COMMD1: variants seen among roughly 807,000 people sequenced by gnomAD.
COMMD1 encodes copper metabolism domain containing 1, also known as COMM domain-containing protein 1.
COMMD1 carries 10 observed loss-of-function variants against 17.2 expected under a neutral mutation model. That is an observed-to-expected ratio of 0.58 (90% CI 0.36 to 0.99). The LOEUF is 0.99. Among genes scored for constraint, COMMD1 ranks in the 50% least tolerant of loss-of-function variants. The pLI is 0.01. For missense variants in COMMD1, 270 were observed against 231.8 expected (o/e 1.17, Z -1.07); for synonymous variants, 97 against 91.6 (o/e 1.06, Z -0.34).
At chr2:61,978,668 A>G (rs1386899935) in intron 1 of COMMD1, among the ~76,000 whole-genome samples, 6 of 152,182 alleles carry the variant, frequency 3.9e-5, no homozygotes, top group Admixed American at 3.9e-4. Flanking sequence ...TCTGACTGGC[A>G]GTTTAATGCT....
At chr2:61,899,234 T>G (rs886375459) in intron 1 of COMMD1, among the ~76,000 whole-genome samples, 1 of 152,212 alleles carries the variant, frequency 6.6e-6, no homozygotes, top group Non-Finnish European at 1.5e-5. Flanking sequence ...AACCCCCATA[T>G]GGAAGATGTC....
intron 1 of COMMD1, among the ~76,000 whole-genome samples, chr2:61,939,003 AAGTT>A (rs771814196): frequency 7.4e-4 from 113 of 152,274 alleles, no homozygotes; most frequent in Non-Finnish European, 1.4e-3. Flanking sequence ...AAAAAAACAA[AAGTT>A]AGTGTCAAGT....
intron 1 of COMMD1, among the ~76,000 whole-genome samples, chr2:61,923,708 C>T (rs1409796839): frequency 6.6e-6 from 1 of 152,042 alleles, no homozygotes; most frequent in Non-Finnish European, 1.5e-5. Flanking sequence ...AGCAGGGAGC[C>T]AGTGAAAAAG....
At chr2:62,091,796 T>A (rs1026586132) in intron 2 of COMMD1, among the ~76,000 whole-genome samples, 3 of 152,166 alleles carry the variant, frequency 2.0e-5, no homozygotes, top group Admixed American at 2.0e-4. Flanking sequence ...CAGGCAGTTG[T>A]CTCAACTGAT....
At chr2:62,130,129 C>A (rs1422653601) in intron 2 of COMMD1, among the ~76,000 whole-genome samples, 2 of 148,240 alleles carry the variant, frequency 1.3e-5, no homozygotes, top group Admixed American at 6.7e-5. Flanking sequence ...GAGCCGAGAT[C>A]GCGCCAGTGA....
chr2:61,967,406 A>G (rs1207371921), intron 1 of COMMD1, among the ~76,000 whole-genome samples: 1 of 152,206 alleles, frequency 6.6e-6, no homozygotes, highest in East Asian at 1.9e-4. Flanking sequence ...GTGGACTGGT[A>G]GTGAAGTTTG....
At chr2:61,932,955 G>A (rs1371400498) in intron 1 of COMMD1, among the ~76,000 whole-genome samples, 1 of 152,118 alleles carries the variant, frequency 6.6e-6, no homozygotes, top group Non-Finnish European at 1.5e-5. Flanking sequence ...CTGCCCTCTC[G>A]GCACCTGGGT....
At chr2:62,039,161 T>C (rs540857976) in intron 2 of COMMD1, among the ~76,000 whole-genome samples, 44 of 152,358 alleles carry the variant, frequency 2.9e-4, no homozygotes, top group Admixed American at 9.1e-4. Flanking sequence ...TTTCTGAATC[T>C]GACTGCTGTT....
At chr2:61,951,543 T>A (rs1671054136) in intron 1 of COMMD1, among the ~76,000 whole-genome samples, 1 of 152,224 alleles carries the variant, frequency 6.6e-6, no homozygotes, top group Non-Finnish European at 1.5e-5. Flanking sequence ...TCTGTGGATC[T>A]AAGTAGGTGC....
At chr2:62,097,538 A>C (rs967671848) in intron 2 of COMMD1, among the ~76,000 whole-genome samples, 1 of 152,178 alleles carries the variant, frequency 6.6e-6, no homozygotes, top group Non-Finnish European at 1.5e-5. Context: ...GCATCTCCCA[A>C]GTTGAGAATC....
At chr2:61,951,505 T>C (rs1671053383) in intron 1 of COMMD1, among the ~76,000 whole-genome samples, 1 of 152,116 alleles carries the variant, frequency 6.6e-6, no homozygotes, top group Admixed American at 6.6e-5. Flanking sequence ...TCAAATTACT[T>C]TTATTTTAAA....
chr2:61,954,238 A>G (rs1671136069), intron 1 of COMMD1, among the ~76,000 whole-genome samples: 1 of 152,046 alleles, frequency 6.6e-6, no homozygotes, highest in Non-Finnish European at 1.5e-5. Flanking sequence ...TAAGTGAAAA[A>G]CTGGGAATAG....
At chr2:62,121,622 C>T (rs959163433) in intron 2 of COMMD1, among the ~76,000 whole-genome samples, 3 of 151,348 alleles carry the variant, frequency 2.0e-5, no homozygotes, top group Admixed American at 2.0e-4. Flanking sequence ...CCTGTAATCC[C>T]AGCTACTTGG....
At chr2:62,022,256 AG>A in intron 2 of COMMD1, among the ~76,000 whole-genome samples, 1 of 151,980 alleles carries the variant, frequency 6.6e-6, no homozygotes, top group East Asian at 1.9e-4. Context: ...TACAGGTTTT[AG>A]GAGATTTTCT....
chr2:61,912,995 A>T (rs1292202710), intron 1 of COMMD1, among the ~76,000 whole-genome samples: 1 of 152,172 alleles, frequency 6.6e-6, no homozygotes, highest in Non-Finnish European at 1.5e-5. Flanking sequence ...TCAAGGCTGT[A>T]GGGCAGCATG....
At chr2:62,135,603 G>A (rs1254312676) in intron 2 of COMMD1, among the ~76,000 whole-genome samples, 2 of 152,214 alleles carry the variant, frequency 1.3e-5, no homozygotes, top group East Asian at 3.9e-4. Context: ...TGCCCGCCTC[G>A]GCCTCCCAAA....
chr2:61,987,652 G>A (rs1672140082), intron 1 of COMMD1, among the ~76,000 whole-genome samples: 1 of 152,152 alleles, frequency 6.6e-6, no homozygotes, highest in African/African-American at 2.4e-5. Flanking sequence ...CATGGTACTG[G>A]GTCTTGCCCA....
chr2:61,941,943 A>G (rs941272653), intron 1 of COMMD1, among the ~76,000 whole-genome samples: 3 of 152,178 alleles, frequency 2.0e-5, no homozygotes, highest in South Asian at 2.1e-4. Flanking sequence ...TCTTCTTGGT[A>G]ACCACAGGCC....
rs767029239 is a variant in COMMD1 at position 61,889,638 on chromosome 2, T to C, written n.119+796T>C. Among the ~76,000 whole-genome samples, 5 of 152,184 alleles carry C rather than the reference T, an allele frequency of 3.3e-5. No homozygotes were observed. In the East Asian group the frequency reaches 7.7e-4, roughly 23 times the overall value. On this transcript the variant is annotated intron_variant and non_coding_transcript_variant, in intron 1 of 2. Transcript: ENST00000472729. ...CATAGACCTGCATTTTATGCAGTTTTGTTCATTTTGAAAGGGAGTCAGAAA... is the reference window on the plus strand; with the variant it reads ...CATAGACCTGCATTTTATGCAGTTTCGTTCATTTTGAAAGGGAGTCAGAAA...
Sources: allele counts gnomAD v4.1 joint callset (sites outside exome capture counted in the v4.1 genomes callset), GRCh38; gene constraint gnomAD v4.1.1; transcripts MANE v1.5; gene names NCBI Gene and HGNC (gene_info 2026-07-23, HGNC 2026-07-21).